A2ML1: variants seen among roughly 807,000 people sequenced by gnomAD.
A2ML1 encodes the protein alpha-2-macroglobulin like 1.
A neutral mutation model predicts 181.9 loss-of-function variants in A2ML1; 161 were observed. That is an observed-to-expected ratio of 0.89 (90% CI 0.78 to 1.01). The LOEUF (loss-of-function observed/expected upper bound fraction) is 1.01, where lower values mean the gene tolerates loss of function less well. Among genes scored for constraint, A2ML1 ranks in the 50% least tolerant of loss-of-function variants. The probability of loss-of-function intolerance (pLI) is 0.00; values close to 1 mark genes in which losing one functional copy is unlikely to be tolerated. For synonymous variants in A2ML1, 663 were observed against 666.8 expected, an observed-to-expected ratio of 0.99 and a Z score of 0.09; for missense variants, 1,670 against 1,768.1, an observed-to-expected ratio of 0.94 and a Z score of 1.00.
chr12:8,860,903 C>T lies in A2ML1; in HGVS notation c.3287C>T (p.Ser1096Phe), dbSNP rs483352824. 1.2e-6 allele frequency: 2 copies of T among 1,614,066 alleles called. No individual in the cohort carries two copies. The highest frequency in any genetic ancestry group is 1.7e-6 in the Non-Finnish European group (2 of 1,180,036). Reference protein sequence around the residue: ...AMKGGVDDEVSLTAYVTAALL... With the variant: ...AMKGGVDDEVFLTAYVTAALL... The stretch of plus-strand genomic sequence containing the variant: ...TAGGGTGGTGTTGATGATGAGGTCT[C>T]CTTGACTGCGTATGTCACAGCTGCA... The change falls in exon 27 of 36, where the codon TCC (serine) becomes TTC (phenylalanine). Residue 1096 changes from serine (S) to phenylalanine (F), a missense_variant. Coordinates refer to ENST00000299698, the MANE Select transcript of A2ML1 (RefSeq NM_144670.6).
At position 8,858,092 on chromosome 12, in the gene A2ML1, C is replaced by T; in HGVS notation, c.3254C>T (p.Thr1085Ile). 1 of 1,614,086 alleles carries T rather than the reference C, an allele frequency of 6.2e-7. No homozygotes were observed. Residue 1085 changes from threonine (T) to isoleucine (I), a missense_variant, in exon 26 of 36, where the codon ACA becomes ATA. Physicochemically the swap from Thr to Ile is moderately conservative, Grantham distance 89 (BLOSUM62 -1). Transcript: ENST00000299698. ...GCCAACGTGGGAAATCTCCTTCACA[C>T]AGCTATGAAGGTGCGGATCTGTCCA... is the stretch of plus-strand genomic sequence containing the variant. ...CYANVGNLLH[T>I]AMKGGVDDEV...
At chr12:8,877,433 T>G (rs952710399), downstream of A2ML1, among the ~76,000 whole-genome samples, 3 of 152,078 alleles carry the variant, frequency 2.0e-5, no homozygotes, top group Non-Finnish European at 2.9e-5. Flanking sequence ...ATTAACAAAC[T>G]GCCTCCAGCA....
intron 7 of A2ML1, among the ~76,000 whole-genome samples, chr12:8,881,794 G>A (rs1054441549): frequency 1.1e-4 from 17 of 152,118 alleles, no homozygotes; most frequent in East Asian, 5.8e-4. Flanking sequence ...GGTGGATCAC[G>A]AGGTCAGGAG....
chr12:8,869,033 C>T (rs1565493881), intron 32 of A2ML1, 102 bp from the exon 33 acceptor site: 2 of 1,145,120 alleles, frequency 1.7e-6, no homozygotes, highest in Admixed American at 4.0e-5. Flanking sequence ...CCTACCTTTT[C>T]CACAGTATAT....
Position 8,836,339 on chromosome 12 carries a change from G to A in A2ML1, c.728G>A (p.Arg243Lys). The change falls in exon 7 of 36, where the codon AGG becomes AAG. Residue 243 changes from arginine (R) to lysine (K), a missense_variant and splice_region_variant. Physicochemically the swap from Arg to Lys is conservative, Grantham distance 26 (BLOSUM62 2). Coordinates refer to ENST00000299698, the MANE Select transcript of A2ML1 (RefSeq NM_144670.6). Reference sequence around the variant, plus strand: ...TCTTTCTTAGTAAAAATTTGTTGTAGGTAAGAGCAGAAGCTTGGGATCTGG... The same window carrying A: ...TCTTTCTTAGTAAAAATTTGTTGTAAGTAAGAGCAGAAGCTTGGGATCTGG... The part of the protein sequence containing the change: ...QESFLVKICC[R>K]YTYGKPMLGA... The A allele has an allele frequency of 6.2e-7, 1 of 1,612,960 alleles. No homozygotes were observed. Among genetic ancestry groups the A allele is most frequent in the Non-Finnish European group, 8.5e-7 (1 of 1,179,014 alleles).
chr12:8,825,467 G>C (rs904639530), intron 3 of A2ML1, among the ~76,000 whole-genome samples: 1 of 152,022 alleles, frequency 6.6e-6, no homozygotes, highest in Non-Finnish European at 1.5e-5. Context: ...CTATACAGCT[G>C]TCTGAGCTCC....
intron 7 of A2ML1, among the ~76,000 whole-genome samples, chr12:8,884,109 T>G (rs1329732284): frequency 1.3e-5 from 2 of 152,162 alleles, no homozygotes; most frequent in Non-Finnish European, 2.9e-5. Flanking sequence ...TCTAGCCATC[T>G]TAGTGTGTGT....
chr12:8,826,030 C>T (rs1942918755), intron 3 of A2ML1, among the ~76,000 whole-genome samples: 1 of 152,128 alleles, frequency 6.6e-6, no homozygotes, highest in Admixed American at 6.6e-5. Context: ...TGTGATTCTT[C>T]CAGCTTTGTT....
At chr12:8,861,355 A>G (rs939902273) in intron 28 of A2ML1, 58 bp downstream of exon 28, 33 of 1,576,104 alleles carry the variant, frequency 2.1e-5, no homozygotes, top group African/African-American at 2.7e-5. Flanking sequence ...TGAGTTATCT[A>G]TAATCTCCCT....
chr12:8,863,231 C>G (rs1406637099), intron 28 of A2ML1, among the ~76,000 whole-genome samples: 1 of 152,064 alleles, frequency 6.6e-6, no homozygotes, highest in Non-Finnish European at 1.5e-5. Flanking sequence ...CTCAGCCTCC[C>G]AAGTAGCTGG....
At chr12:8,830,085 T>C (rs1256363301) in intron 4 of A2ML1, among the ~76,000 whole-genome samples, 1 of 152,182 alleles carries the variant, frequency 6.6e-6, no homozygotes, top group Non-Finnish European at 1.5e-5. Flanking sequence ...AGAGTCTCGC[T>C]CTGTGGCCCA....
chr12:8,863,990 G>A lies in A2ML1; in HGVS notation c.3699G>A (p.Gly1233=). 6.2e-7 allele frequency: 1 copy of A among 1,612,320 alleles called. No homozygotes were observed. The highest frequency in any genetic ancestry group is 1.3e-5 in the African/African-American group (1 of 74,990). Residue 1233 remains glycine (G), a synonymous_variant, in exon 29 of 36, where the codon GGG becomes GGA. Coordinates refer to ENST00000299698, the MANE Select transcript of A2ML1 (RefSeq NM_144670.6). ...AWLAKQHNAY[G]GFSSTQDTVV... is the part of the protein sequence containing the mutation. ...TGGCCAAGCAACACAATGCATATGG[G>A]GGCTTCTCTTCTACTCAGGTAAACA... is the stretch of plus-strand genomic sequence containing the variant.
chr12:8,823,875 G>A lies in A2ML1; in HGVS notation c.402G>A (p.Gly134=), dbSNP rs1035756039. 2 of 1,611,714 alleles carry A rather than the reference G, an allele frequency of 1.2e-6. No homozygotes were observed. The highest frequency in any genetic ancestry group is 8.5e-7 in the Non-Finnish European group (1 of 1,178,776). The change falls in exon 3 of 36, where the codon GGG becomes GGA. Residue 134 remains glycine (G), a synonymous_variant. Transcript: ENST00000299698. ...VQTDKPLYTP[G]QQVYFRIVTM... ...CTGACAAACCTCTCTACACCCCAGG[G>A]CAGCAAGGTAAGAGTCACATATTTG...
intron 14 of A2ML1, among the ~76,000 whole-genome samples, chr12:8,847,236 T>C (rs1592130687): frequency 9.1e-6 from 1 of 109,684 alleles, no homozygotes; most frequent in Non-Finnish European, 1.8e-5. Flanking sequence ...GGCATGACCC[T>C]GTCTCTATTA....
At chr12:8,872,989 T>C (rs901729875) in intron 33 of A2ML1, among the ~76,000 whole-genome samples, 8 of 152,142 alleles carry the variant, frequency 5.3e-5, no homozygotes, top group African/African-American at 1.9e-4. Flanking sequence ...TGTTTTGTTT[T>C]TTATTTTTTT....
intron 3 of A2ML1, among the ~76,000 whole-genome samples, chr12:8,827,041 A>T (rs1942952373): frequency 6.6e-6 from 1 of 152,136 alleles, no homozygotes; most frequent in Non-Finnish European, 1.5e-5. Flanking sequence ...TCTTGTAATT[A>T]ATATTGATAT....
chr12:8,861,956 C>T (rs1234728008), intron 28 of A2ML1, among the ~76,000 whole-genome samples: 3 of 151,608 alleles, frequency 2.0e-5, no homozygotes, highest in East Asian at 3.9e-4. Flanking sequence ...GAAGGGGTTT[C>T]GCCCTGTTGA....
At position 8,850,290 on chromosome 12, in the gene A2ML1, A is replaced by G. The variant is rs560345386; in HGVS notation, c.2234+16A>G. 493 of 1,585,366 alleles carry G rather than the reference A, an allele frequency of 3.1e-4. 6 individuals carry two copies. The South Asian group carries it at 5.2e-3, about 17-fold the overall frequency. On this transcript the variant is annotated intron_variant, in intron 18 of 35. Coordinates refer to ENST00000299698, the MANE Select transcript of A2ML1 (RefSeq NM_144670.6). ...TTCCTATTGGGTAAGTGATGACTCA[A>G]AAGTACAGTAAAGGGCCAGGTGCAT...
Position 8,837,531 on chromosome 12 carries a change from C to T in A2ML1, c.820C>T (p.Gln274Ter), listed in dbSNP as rs753686462. The change falls in exon 8 of 36, where the codon CAG becomes TAG. Residue 274 changes from glutamine to a stop codon, truncating the protein, a stop_gained. Coordinates refer to ENST00000299698, the MANE Select transcript of A2ML1 (RefSeq NM_144670.6). LOFTEE classifies it high-confidence loss of function. ...TYWYREVERE[Q>*]LPDKCRNLSG... The stretch of plus-strand genomic sequence containing the variant: ...CTGGTATCGAGAGGTGGAACGGGAA[C>T]AGCTTCCTGACAAATGCAGGAACCT... 6.2e-7 allele frequency: 1 copy of T among 1,613,894 alleles called. No homozygotes were observed. Among genetic ancestry groups the T allele is most frequent in the Non-Finnish European group, 8.5e-7 (1 of 1,179,864 alleles).
Sources: gnomAD v4.1 joint callset for allele counts (sites outside exome capture counted in the v4.1 genomes callset) on GRCh38, gnomAD v4.1.1 for gene constraint, MANE v1.5 for transcripts, NCBI Gene and HGNC (gene_info 2026-07-23, HGNC 2026-07-21) for gene names.